Variants in KLHL24 observed in about 807,000 individuals in gnomAD.
The protein encoded by KLHL24 is kelch like family member 24.
Under a neutral mutation model 53.4 loss-of-function variants are expected in KLHL24, and 29 were observed. The observed-to-expected ratio is 0.54, with a 90% CI of 0.40 to 0.74. KLHL24 has a LOEUF of 0.74. KLHL24 is among the 30% of genes least tolerant of loss of function. The pLI is 0.00. For synonymous variants in KLHL24, 222 were observed against 253.7 expected, an observed-to-expected ratio of 0.88 and a Z score of 1.19; for missense variants, 504 against 744.0, an observed-to-expected ratio of 0.68 and a Z score of 3.75.
rs573958996 is a variant in KLHL24 at position 183,675,225 on chromosome 3, A to G, written c.1602+2741A>G. Among the ~76,000 whole-genome samples the G allele has an allele frequency of 8.5e-5, 13 of 152,284 alleles. No homozygotes were observed. The South Asian group carries it at 2.7e-3, about 32-fold the overall frequency. ...TAAGATAATCTTATTTGCAAGATAC[A>G]TTAGAGATACAGCATAGATTATAAG... On this transcript the variant is annotated intron_variant, in intron 7 of 7. Coordinates refer to ENST00000242810, the MANE Select transcript of KLHL24 (RefSeq NM_017644.3).
chr3:183,663,461 C>T lies in KLHL24; in HGVS notation c.924C>T (p.Ser308=). The change falls in exon 4 of 8, where the codon TCC becomes TCT. Residue 308 remains serine (S), a synonymous_variant. Coordinates refer to ENST00000242810, the MANE Select transcript of KLHL24 (RefSeq NM_017644.3). The surrounding 1 kb of genome is among the most constrained non-coding windows in gnomAD (Gnocchi z 4.9). ...ACGCTAATAATTATTATTTTAGGTC[C>T]ACTGGCTATTCTGAGGTGATAGTTG... ...MMSPRTRPRR[S]TGYSEVIVVV... 3.5e-6 allele frequency: 5 copies of T among 1,447,120 alleles called. No individual in the cohort carries two copies. The highest frequency in any genetic ancestry group is 1.6e-5 in the South Asian group (1 of 63,248). 89.6% of individuals were successfully genotyped at this position (1,447,120 alleles called of 1,614,324 possible).
At position 183,679,996 on chromosome 3, in the gene KLHL24, G is replaced by A. The variant is rs766381297; in HGVS notation, c.*710G>A. On this transcript the variant is annotated 3_prime_UTR_variant, in exon 8 of 8. Coordinates refer to ENST00000242810, the MANE Select transcript of KLHL24 (RefSeq NM_017644.3). Reference sequence around the variant, plus strand: ...CAAGTTAATTCCTAAGAGAAAAATGGAATGGCCTTTGAAGGAAAAATGACC... The same window carrying A: ...CAAGTTAATTCCTAAGAGAAAAATGAAATGGCCTTTGAAGGAAAAATGACC... The A allele has an allele frequency of 6.6e-6, 1 of 152,152 alleles. No individual in the cohort carries two copies. The highest frequency in any genetic ancestry group is 1.5e-5 in the Non-Finnish European group (1 of 68,014). The allele number at this position is 152,152 out of a possible 1,614,324, so 9.4% of individuals were successfully genotyped here. A position where few individuals can be genotyped will look rare whatever the true frequency, so the allele number is the denominator to read the frequency against.
intron 3 of KLHL24, among the ~76,000 whole-genome samples, chr3:183,654,533 CTG>C (rs1718586507): frequency 6.6e-6 from 1 of 150,958 alleles, no homozygotes; most frequent in South Asian, 2.1e-4. Flanking sequence ...TTTTAGTTGA[CTG>C]TGCATCTTTT....
chr3:183,668,887 ACT>A (rs566180761), intron 5 of KLHL24, among the ~76,000 whole-genome samples: 192 of 152,044 alleles, frequency 1.3e-3, no homozygotes, highest in Non-Finnish European at 2.4e-3. Flanking sequence ...ACAGAGTGAG[ACT>A]CTGTCAAAAA....
In KLHL24 at chr3:183,682,580, G is replaced by A. The variant is rs1712789867; in HGVS notation, c.*3294G>A. The A allele has an allele frequency of 6.6e-6, 1 of 152,492 alleles. No individual in the cohort carries two copies. Among genetic ancestry groups the A allele is most frequent in the Non-Finnish European group, 1.5e-5 (1 of 68,002 alleles). 9.4% of individuals were successfully genotyped at this position (152,492 alleles called of 1,614,324 possible). A position where few individuals can be genotyped will look rare whatever the true frequency, so the allele number is the denominator to read the frequency against. On this transcript the variant is annotated 3_prime_UTR_variant, in exon 8 of 8. Coordinates refer to ENST00000242810, the MANE Select transcript of KLHL24 (RefSeq NM_017644.3). ...CATGATTCTAGAGTAAGTTTAATTT[G>A]GAAAAAGGGGCTTCACACATGGTGG...
chr3:183,661,312 G>T (rs1239384145), intron 3 of KLHL24, among the ~76,000 whole-genome samples: 1 of 152,024 alleles, frequency 6.6e-6, no homozygotes, highest in Non-Finnish European at 1.5e-5. Flanking sequence ...GATTACATGG[G>T]TGTCCAGAAT....
At chr3:183,647,288 C>G (rs893165204) in intron 2 of KLHL24, among the ~76,000 whole-genome samples, 1 of 151,718 alleles carries the variant, frequency 6.6e-6, no homozygotes, top group South Asian at 2.1e-4. Flanking sequence ...TGGTGGTGCA[C>G]GCCTGTAGTT....
At position 183,672,341 on chromosome 3, in the gene KLHL24, G is replaced by A. The variant is rs1721439985; in HGVS notation, c.1459G>A (p.Ala487Thr). The A allele has an allele frequency of 6.2e-7, 1 of 1,609,700 alleles. No individual in the cohort carries two copies. ...AACCAATTCTTGGCTACTTCGTGCA[G>A]CTATCCCAATTGCCAAAAGGTGTAT... The part of the protein sequence containing the change: ...PETNSWLLRA[A>T]IPIAKRCITA... Residue 487 changes from alanine to threonine, a missense_variant, in exon 7 of 8, where the codon GCT becomes ACT. Ala to Thr is a moderately conservative substitution (Grantham distance 58). Coordinates refer to ENST00000242810, the MANE Select transcript of KLHL24 (RefSeq NM_017644.3).
At chr3:183,678,755 G>A (rs913854041) in intron 7 of KLHL24, among the ~76,000 whole-genome samples, 1 of 152,096 alleles carries the variant, frequency 6.6e-6, no homozygotes, top group African/African-American at 2.4e-5. Context: ...CCACTTATAA[G>A]TGAGAACATG....
intron 7 of KLHL24, among the ~76,000 whole-genome samples, chr3:183,673,507 A>T (rs1721649369): frequency 6.6e-6 from 1 of 152,094 alleles, no homozygotes; most frequent in African/African-American, 2.4e-5. Context: ...GAGGCTGGGA[A>T]ATCTGTTATT....
At chr3:183,676,910 G>GTTT (rs57502556) in intron 7 of KLHL24, among the ~76,000 whole-genome samples, 1 of 139,514 alleles carries the variant, frequency 7.2e-6, no homozygotes, top group African/African-American at 2.6e-5. Flanking sequence ...GGGTTTTTTG[G>GTTT]TTTTTTTTTT....
intron 3 of KLHL24, among the ~76,000 whole-genome samples, chr3:183,660,566 G>A (rs895201318): frequency 1.3e-5 from 2 of 152,038 alleles, no homozygotes; most frequent in African/African-American, 4.8e-5. Context: ...AGTAAGATGA[G>A]CATCTTTGGT....
chr3:183,657,896 G>C (rs1560167066), intron 3 of KLHL24, among the ~76,000 whole-genome samples: 1 of 152,144 alleles, frequency 6.6e-6, no homozygotes, highest in Non-Finnish European at 1.5e-5. Flanking sequence ...TTTATTACTA[G>C]TTTTTTGAAC....
rs1416227335 is a variant in KLHL24 at position 183,679,711 on chromosome 3, A to G, written c.*425A>G. ...GGCATCATTTAGGTTGAAGAAGTTA[A>G]TGCTTAGGATGCATTCTAGGAGAAA... On this transcript the variant is annotated 3_prime_UTR_variant, in exon 8 of 8. Coordinates refer to ENST00000242810, the MANE Select transcript of KLHL24 (RefSeq NM_017644.3). The G allele has an allele frequency of 6.4e-6, 1 of 156,422 alleles. No individual in the cohort carries two copies. Among genetic ancestry groups the G allele is most frequent in the Non-Finnish European group, 1.4e-5 (1 of 70,848 alleles). 9.7% of individuals were successfully genotyped at this position (156,422 alleles called of 1,614,324 possible).
chr3:183,672,026 CTG>C (rs1721396331), intron 6 of KLHL24, among the ~76,000 whole-genome samples: 1 of 152,102 alleles, frequency 6.6e-6, no homozygotes, highest in South Asian at 2.1e-4. Context: ...AAGATTTAGA[CTG>C]TTAATTTTAG....
intron 1 of KLHL24, among the ~76,000 whole-genome samples, chr3:183,639,263 G>A (rs1265554932): frequency 1.3e-5 from 2 of 151,972 alleles, no homozygotes; most frequent in Admixed American, 6.6e-5. Flanking sequence ...TAAATAATTC[G>A]TGTCACTACT....
chr3:183,661,860 C>T (rs945616010), intron 3 of KLHL24, among the ~76,000 whole-genome samples: 7 of 152,100 alleles, frequency 4.6e-5, no homozygotes, highest in Admixed American at 3.3e-4. Flanking sequence ...ACTTCAGTGA[C>T]TAGCAGTGTT....
intron 5 of KLHL24, among the ~76,000 whole-genome samples, chr3:183,666,238 G>A (rs1033509052): frequency 1.3e-5 from 2 of 149,868 alleles, no homozygotes; most frequent in Non-Finnish European, 2.9e-5. Context: ...CTTGGGACCA[G>A]AAGTGTTTCT....
intron 2 of KLHL24, among the ~76,000 whole-genome samples, chr3:183,646,550 C>G (rs188333081): frequency 3.7e-4 from 56 of 152,204 alleles, no homozygotes; most frequent in Non-Finnish European, 7.2e-4. Context: ...TCCTGTATAG[C>G]ATGCAAGCAT....
Sources: gnomAD v4.1 joint callset for allele counts (sites outside exome capture counted in the v4.1 genomes callset) on GRCh38, gnomAD v4.1.1 for gene constraint, Gnocchi (gnomAD v3.1) non-coding constraint, MANE v1.5 for transcripts, NCBI Gene and HGNC (gene_info 2026-07-23, HGNC 2026-07-21) for gene names.